The following NDST4 variants were observed in gnomAD, a reference collection of about 807,000 sequenced individuals.
NDST4 encodes N-deacetylase and N-sulfotransferase 4.
NDST4 carries 63 observed loss-of-function variants against 100.8 expected under a neutral mutation model. That is an observed-to-expected ratio of 0.62 (90% confidence interval 0.51 to 0.77). The LOEUF (loss-of-function observed/expected upper bound fraction) is 0.77, where lower values mean the gene tolerates loss of function less well. Among genes scored for constraint, NDST4 ranks in the 30% least tolerant of loss-of-function variants. The probability of loss-of-function intolerance (pLI) is 0.00; values close to 1 mark genes in which losing one functional copy is unlikely to be tolerated. For missense variants in NDST4, 943 were observed against 1,018.4 expected (o/e 0.93, Z 1.01); for synonymous variants, 377 against 361.8 (o/e 1.04, Z -0.48).
At chr4:115,036,144 C>T (rs2126272024) in intron 2 of NDST4, among the ~76,000 whole-genome samples, 1 of 151,638 alleles carries the variant, frequency 6.6e-6, no homozygotes, top group Admixed American at 6.6e-5. Context: ...TTTTTTATAG[C>T]AAAAGCCTAA....
At chr4:114,951,473 C>T (rs1251401114) in intron 4 of NDST4, among the ~76,000 whole-genome samples, 3 of 152,024 alleles carry the variant, frequency 2.0e-5, no homozygotes, top group African/African-American at 7.2e-5. Flanking sequence ...TGATAGCATG[C>T]TTCTTGAAGA....
intron 2 of NDST4, among the ~76,000 whole-genome samples, chr4:115,052,413 T>A (rs1162668182): frequency 6.6e-6 from 1 of 152,246 alleles, no homozygotes; most frequent in Admixed American, 6.5e-5. Flanking sequence ...TATCCATTCA[T>A]GTTACAGTTT....
chr4:115,057,548 G>A (rs1238980880), intron 2 of NDST4, among the ~76,000 whole-genome samples: 1 of 152,056 alleles, frequency 6.6e-6, no homozygotes, highest in Non-Finnish European at 1.5e-5. Context: ...AGACAATGTT[G>A]GTTATATTTC....
chr4:114,844,307 A>G (rs1310064128), intron 10 of NDST4, among the ~76,000 whole-genome samples: 1 of 152,224 alleles, frequency 6.6e-6, no homozygotes, highest in African/African-American at 2.4e-5. Context: ...GTAGTCACAC[A>G]CTGGCTACTG....
At chr4:114,991,110 G>T (rs1214054195) in intron 2 of NDST4, among the ~76,000 whole-genome samples, 1 of 152,058 alleles carries the variant, frequency 6.6e-6, no homozygotes, top group Non-Finnish European at 1.5e-5. Context: ...AGCTCTTTCG[G>T]ATTTCTAAGC....
intron 2 of NDST4, among the ~76,000 whole-genome samples, chr4:114,996,745 G>A (rs769716712): frequency 6.6e-6 from 1 of 151,998 alleles, no homozygotes; most frequent in Non-Finnish European, 1.5e-5. Context: ...ATTTCATTCG[G>A]TATGTGTTCC....
intron 6 of NDST4, among the ~76,000 whole-genome samples, chr4:114,904,149 T>C (rs1724902253): frequency 6.6e-6 from 1 of 152,006 alleles, no homozygotes; most frequent in Non-Finnish European, 1.5e-5. Flanking sequence ...TAAAGTGCTA[T>C]CCTTTTCCAT....
intron 1 of NDST4, among the ~76,000 whole-genome samples, chr4:115,094,452 CA>C (rs953819046): frequency 8.6e-5 from 13 of 151,398 alleles, no homozygotes; most frequent in South Asian, 6.3e-4. Flanking sequence ...AGAGAAAACA[CA>C]AAAAAAATTA....
chr4:114,933,456 T>TTTTTTTTA (rs1337610741), intron 6 of NDST4, among the ~76,000 whole-genome samples: 1 of 133,334 alleles, frequency 7.5e-6, no homozygotes, highest in Non-Finnish European at 1.6e-5. Flanking sequence ...TTTTTTTTTG[T>TTTTTTTTA]GTGTAAAAAC....
chr4:115,050,002 C>T (rs1728550240), intron 2 of NDST4, among the ~76,000 whole-genome samples: 1 of 152,052 alleles, frequency 6.6e-6, no homozygotes, highest in African/African-American at 2.4e-5. Flanking sequence ...GAGGAAGAAC[C>T]AAAACCAGAC....
chr4:114,883,784 C>A (rs1724422248), intron 6 of NDST4, among the ~76,000 whole-genome samples: 1 of 152,068 alleles, frequency 6.6e-6, no homozygotes, highest in African/African-American at 2.4e-5. Flanking sequence ...TCGGATGAAT[C>A]TGTTTCACCG....
chr4:115,111,725 C>T (rs1729956513), intron 1 of NDST4, among the ~76,000 whole-genome samples: 1 of 151,476 alleles, frequency 6.6e-6, no homozygotes, highest in Non-Finnish European at 1.5e-5. Context: ...TATATTATAA[C>T]TTTTTCAAAG....
intron 2 of NDST4, among the ~76,000 whole-genome samples, chr4:114,989,293 G>T (rs1399728491): frequency 2.0e-5 from 3 of 152,116 alleles, no homozygotes; most frequent in African/African-American, 7.2e-5. Flanking sequence ...TGTATGAATG[G>T]TATCCTTTGG....
At chr4:115,095,309 A>G (rs1371477147) in intron 1 of NDST4, among the ~76,000 whole-genome samples, 1 of 152,116 alleles carries the variant, frequency 6.6e-6, no homozygotes, top group East Asian at 1.9e-4. Context: ...GAAACCTTTC[A>G]GTGTGCTTAG....
intron 2 of NDST4, among the ~76,000 whole-genome samples, chr4:115,049,187 G>T (rs146388443): frequency 6.6e-6 from 1 of 151,946 alleles, no homozygotes; most frequent in African/African-American, 2.4e-5. Context: ...CTTTGGTTTC[G>T]CAGCCCAGAG....
At chr4:114,910,859 T>G (rs1007602666) in intron 6 of NDST4, among the ~76,000 whole-genome samples, 1 of 152,216 alleles carries the variant, frequency 6.6e-6, no homozygotes, top group Non-Finnish European at 1.5e-5. Flanking sequence ...TGACTCCTTT[T>G]TCTTTTACAC....
chr4:114,879,636 A>T (rs1724325069), intron 6 of NDST4, among the ~76,000 whole-genome samples: 1 of 152,116 alleles, frequency 6.6e-6, no homozygotes, highest in Non-Finnish European at 1.5e-5. Flanking sequence ...CTGTATCTTC[A>T]ATGAGTAGTA....
intron 2 of NDST4, among the ~76,000 whole-genome samples, chr4:115,047,688 A>G (rs577495156): frequency 2.0e-5 from 3 of 152,120 alleles, no homozygotes; most frequent in Non-Finnish European, 4.4e-5. Context: ...TGGTAAGTTG[A>G]CATGAAGATT....
At chr4:114,910,986 G>C in intron 6 of NDST4, among the ~76,000 whole-genome samples, 1 of 151,928 alleles carries the variant, frequency 6.6e-6, no homozygotes, top group Non-Finnish European at 1.5e-5. Flanking sequence ...CCTCCTAATT[G>C]GTATCTTTGT....
Sources: gnomAD v4.1 joint callset for allele counts (sites outside exome capture counted in the v4.1 genomes callset) on GRCh38, gnomAD v4.1.1 for gene constraint, MANE v1.5 for transcripts, NCBI Gene and HGNC (gene_info 2026-07-23, HGNC 2026-07-21) for gene names.